SPTBN1: variants seen among roughly 807,000 people sequenced by gnomAD.
SPTBN1 encodes spectrin beta, non-erythrocytic 1.
Under a neutral mutation model 266.4 loss-of-function variants are expected in SPTBN1, and 32 were observed. The ratio of observed to expected loss-of-function variants is 0.12; its 90% confidence interval spans 0.09 to 0.16. SPTBN1 has a LOEUF of 0.16. SPTBN1 is among the 10% of genes least tolerant of loss of function. SPTBN1 has a pLI of 1.00. For missense variants in SPTBN1, 2,296 were observed against 3,067.1 expected (o/e 0.75, Z 5.94); for synonymous variants, 1,336 against 1,162.2 (o/e 1.15, Z -3.04).
At chr2:54,638,630 T>C (rs1013148437) in intron 18 of SPTBN1, among the ~76,000 whole-genome samples, 1 of 152,250 alleles carries the variant, frequency 6.6e-6, no homozygotes, top group African/African-American at 2.4e-5. Flanking sequence ...AGTATCTAGC[T>C]GATTTCACGT....
intron 3 of SPTBN1, among the ~76,000 whole-genome samples, chr2:54,608,096 C>G (rs1676967625): frequency 6.6e-6 from 1 of 152,144 alleles, no homozygotes; most frequent in African/African-American, 2.4e-5. Context: ...GGCCCCCTTT[C>G]CCCTGTGAGG....
At chr2:54,606,462 G>A (rs1370620369) in intron 3 of SPTBN1, among the ~76,000 whole-genome samples, 1 of 152,114 alleles carries the variant, frequency 6.6e-6, no homozygotes, top group Admixed American at 6.5e-5. Context: ...TCAGGTGCAC[G>A]AACTGACAAG....
chr2:54,558,243 C>G lies in SPTBN1; in HGVS notation c.148+31677C>G. The stretch of plus-strand genomic sequence containing the variant: ...GCGGGACCGGTAGGGGGTCGCGGGC[C>G]GGCTAGGCTCCCCCGCGCCCCTCCT... On this transcript the variant is annotated intron_variant, in intron 2 of 35. Coordinates refer to ENST00000356805, the MANE Select transcript of SPTBN1 (RefSeq NM_003128.3). This position sits in a 1 kb window ranked among gnomAD's most constrained non-coding sequence, Gnocchi z 4.6. 5 of 985,302 alleles carry G rather than the reference C, an allele frequency of 5.1e-6. No homozygotes were observed. Among genetic ancestry groups the G allele is most frequent in the Non-Finnish European group, 6.0e-6 (5 of 829,858 alleles). The allele number at this position is 985,302 out of a possible 1,614,324, so 61.0% of individuals were successfully genotyped here.
chr2:54,471,799 G>GTTTTTTTTTTTT (rs1693932488), intron 1 of SPTBN1, among the ~76,000 whole-genome samples: 1 of 31,498 alleles, frequency 3.2e-5, no homozygotes, highest in Non-Finnish European at 5.0e-5. Flanking sequence ...CTTTTTTATC[G>GTTTTTTTTTTTT]ATTTTTTTTT....
In SPTBN1 at chr2:54,653,426, T is replaced by C; in HGVS notation, c.5578-183T>C. The C allele has an allele frequency of 1.2e-6, 1 of 850,480 alleles. No homozygotes were observed. Among genetic ancestry groups the C allele is most frequent in the South Asian group, 1.9e-5 (1 of 51,836 alleles). The allele number at this position is 850,480 out of a possible 1,614,324, so 52.7% of individuals were successfully genotyped here. ...AACTTAATAATGTAGTTGAACAGAT[T>C]TATAGAAAACGGGTTTTTGTGACTT... On this transcript the variant is annotated intron_variant, in intron 26 of 35. Coordinates refer to ENST00000356805, the MANE Select transcript of SPTBN1 (RefSeq NM_003128.3). This position sits in a 1 kb window ranked among gnomAD's most constrained non-coding sequence, Gnocchi z 5.1.
chr2:54,456,490 C>T lies in SPTBN1; in HGVS notation c.-76C>T, dbSNP rs1005861762. 1 of 151,882 alleles carries T rather than the reference C, an allele frequency of 6.6e-6. No homozygotes were observed. The highest frequency in any genetic ancestry group is 1.5e-5 in the Non-Finnish European group (1 of 67,934). 9.4% of individuals were successfully genotyped at this position (151,882 alleles called of 1,614,324 possible). ...GCCGAGGAGCGGGAGGAGGACGGGA[C>T]CCCGGCGCCCCCACCCCATCCCCGG... On this transcript the variant is annotated 5_prime_UTR_variant, in exon 1 of 36. Transcript: ENST00000356805.
chr2:54,631,678 T>C, intron 16 of SPTBN1, 67 bp downstream of exon 16: 1 of 1,548,796 alleles, frequency 6.5e-7, no homozygotes, highest in Non-Finnish European at 8.7e-7. Flanking sequence ...TGAAATGTTT[T>C]GGCTGGGGCA....
intron 2 of SPTBN1, among the ~76,000 whole-genome samples, chr2:54,556,238 A>T (rs1055503951): frequency 1.3e-5 from 2 of 152,200 alleles, no homozygotes; most frequent in South Asian, 4.1e-4. Flanking sequence ...ATGGATTCCC[A>T]TTTCTTACTT....
chr2:54,586,262 C>G (rs138074941), intron 2 of SPTBN1, among the ~76,000 whole-genome samples: 1 of 152,320 alleles, frequency 6.6e-6, no homozygotes, highest in East Asian at 1.9e-4. Flanking sequence ...TTTAATTTAT[C>G]AATCTGTCGT....
chr2:54,500,217 G>GTA (rs1349569932), intron 1 of SPTBN1, among the ~76,000 whole-genome samples: 1 of 152,148 alleles, frequency 6.6e-6, no homozygotes, highest in Non-Finnish European at 1.5e-5. Flanking sequence ...ACATTTTATT[G>GTA]TAAGACTCAT....
intron 2 of SPTBN1, among the ~76,000 whole-genome samples, chr2:54,532,909 CTA>C (rs1671341867): frequency 2.0e-5 from 3 of 152,286 alleles, no homozygotes; most frequent in South Asian, 4.1e-4. Context: ...TCCTTCTTAA[CTA>C]TTTCTCGGAT....
At position 54,646,321 on chromosome 2, in the gene SPTBN1, A is replaced by G; in HGVS notation, c.4712A>G (p.Lys1571Arg). Reference sequence around the variant, plus strand: ...ATCAGACAGAGGCTTGCCGACCTGAAGCAGCTGTGGGGTCTCCTCATTGAG... The same window carrying G: ...ATCAGACAGAGGCTTGCCGACCTGAGGCAGCTGTGGGGTCTCCTCATTGAG... ...EAIRQRLADL[K>R]QLWGLLIEET... Residue 1571 changes from lysine to arginine, a missense_variant, in exon 23 of 36, where the codon AAG becomes AGG. Physicochemically the swap from Lys to Arg is conservative, Grantham distance 26. Around this residue, in one of 12 missense-constraint regions of SPTBN1, gnomAD observed 644 missense variants for 745.3 expected, o/e 0.86. Transcript: ENST00000356805. This position sits in a 1 kb window ranked among gnomAD's most constrained non-coding sequence, Gnocchi z 4.4. 1 of 1,614,216 alleles carries G rather than the reference A, an allele frequency of 6.2e-7. No individual in the cohort carries two copies. Among genetic ancestry groups the G allele is most frequent in the Admixed American group, 1.7e-5 (1 of 60,028 alleles).
intron 10 of SPTBN1, 125 bp downstream of exon 10, chr2:54,623,721 T>G: frequency 1.3e-6 from 1 of 745,646 alleles, no homozygotes; most frequent in Non-Finnish European, 2.2e-6. Context: ...GAATTGACAA[T>G]TGGCAGCTGG....
chr2:54,543,865 A>G (rs1202467887), intron 2 of SPTBN1, among the ~76,000 whole-genome samples: 2 of 152,156 alleles, frequency 1.3e-5, no homozygotes, highest in Admixed American at 6.5e-5. Flanking sequence ...GGAGAGAGAC[A>G]TGGTCAGTGT....
At chr2:54,571,611 A>AT (rs1469712009) in intron 2 of SPTBN1, among the ~76,000 whole-genome samples, 3 of 151,464 alleles carry the variant, frequency 2.0e-5, no homozygotes, top group Non-Finnish European at 4.4e-5. Context: ...ATATCTATAA[A>AT]TAAAGGGCTT....
At chr2:54,457,199 C>G (rs1205238990) in intron 1 of SPTBN1, 4 of 133,206 alleles carry the variant, frequency 3.0e-5, no homozygotes, top group African/African-American at 1.1e-4. Flanking sequence ...CAGGGCTGGG[C>G]GTGAGCCGCC....
At chr2:54,553,719 G>C (rs1004048249) in intron 2 of SPTBN1, among the ~76,000 whole-genome samples, 5 of 152,152 alleles carry the variant, frequency 3.3e-5, no homozygotes, top group Non-Finnish European at 7.4e-5. Context: ...CAAATCCCAA[G>C]GTTGAATGTG....
intron 2 of SPTBN1, among the ~76,000 whole-genome samples, chr2:54,582,110 A>C (rs1207237280): frequency 1.3e-5 from 2 of 152,224 alleles, no homozygotes; most frequent in Non-Finnish European, 2.9e-5. Context: ...GCTGACACTG[A>C]TGCTTTTTAA....
intron 17 of SPTBN1, among the ~76,000 whole-genome samples, chr2:54,635,631 C>A (rs377103813): frequency 1.3e-5 from 2 of 152,150 alleles, no homozygotes; most frequent in East Asian, 3.8e-4. Flanking sequence ...CTGTTATTTC[C>A]GTGAGAGGCG....
Sources: allele counts gnomAD v4.1 joint callset (sites outside exome capture counted in the v4.1 genomes callset), GRCh38; gene constraint gnomAD v4.1.1; regional missense constraint gnomAD v4.1.1; non-coding constraint Gnocchi (gnomAD v3.1); transcripts MANE v1.5; gene names NCBI Gene and HGNC (gene_info 2026-07-23, HGNC 2026-07-21).